The following THSD7B variants were observed in gnomAD, a reference collection of about 807,000 sequenced individuals.
The protein encoded by THSD7B is thrombospondin type-1 domain-containing protein 7B.
Under a neutral mutation model 213.6 loss-of-function variants are expected in THSD7B, and 138 were observed. The observed-to-expected ratio is 0.65, with a 90% CI of 0.56 to 0.74. THSD7B has a LOEUF of 0.74. THSD7B is among the 30% of genes least tolerant of loss of function. THSD7B has a pLI of 0.00. For synonymous variants in THSD7B, 742 were observed against 687.0 expected (o/e 1.08, Z -1.25); for missense variants, 1,931 against 1,991.5 (o/e 0.97, Z 0.58).
intron 15 of THSD7B, among the ~76,000 whole-genome samples, chr2:137,507,558 A>G (rs1273501553): frequency 6.6e-6 from 1 of 152,194 alleles, no homozygotes; most frequent in African/African-American, 2.4e-5. Context: ...TGATTGTAAT[A>G]AGGGCCTGAA....
rs149029025 is a variant in THSD7B at position 137,580,221 on chromosome 2, G to A, written c.3423+7665G>A. 2.2e-3 allele frequency among the ~76,000 whole-genome samples: 335 copies of A among 151,986 alleles called. 1 individual carries two copies. Among genetic ancestry groups the A allele is most frequent in the Non-Finnish European group, 4.1e-3 (278 of 67,944 alleles). Reference sequence around the variant, plus strand: ...TTCTAGATATGTTAAAAAAATATTCGCAAGAGTTTTATTTCTATTTTTGCT... The same window carrying A: ...TTCTAGATATGTTAAAAAAATATTCACAAGAGTTTTATTTCTATTTTTGCT... On this transcript the variant is annotated intron_variant, in intron 17 of 27. Coordinates refer to ENST00000409968, the MANE Select transcript of THSD7B (RefSeq NM_001316349.2).
intron 2 of THSD7B, among the ~76,000 whole-genome samples, chr2:137,043,028 C>T (rs555774262): frequency 7.9e-5 from 12 of 152,182 alleles, no homozygotes; most frequent in African/African-American, 1.2e-4. Flanking sequence ...CACTATTGAG[C>T]GAAGGTTTGC....
At chr2:136,966,146 G>C (rs762118892) in intron 2 of THSD7B, among the ~76,000 whole-genome samples, 5 of 152,062 alleles carry the variant, frequency 3.3e-5, no homozygotes, top group Admixed American at 6.6e-5. Context: ...GGATCTTGCT[G>C]TCTAGACTTC....
chr2:137,635,712 C>T (rs535614162), intron 20 of THSD7B, among the ~76,000 whole-genome samples: 4 of 151,364 alleles, frequency 2.6e-5, no homozygotes, highest in African/African-American at 4.8e-5. Context: ...TAAAATATTC[C>T]GCAAGTTTCT....
chr2:137,399,020 G>A lies in THSD7B; in HGVS notation c.2501-6593G>A, dbSNP rs576979645. On this transcript the variant is annotated intron_variant, in intron 12 of 27. Transcript: ENST00000409968. ...GTGAGGCAATGCCTCGCCCTGCTTC[G>A]GCTCGCGCACGGTGCGCGCACCCAC... Among the ~76,000 whole-genome samples the A allele has an allele frequency of 4.3e-3, 653 of 152,122 alleles. 7 individuals carry two copies. The highest frequency in any genetic ancestry group is 0.015 in the African/African-American group (612 of 41,514).
intron 15 of THSD7B, among the ~76,000 whole-genome samples, chr2:137,553,557 T>C (rs1243797814): frequency 2.0e-5 from 3 of 152,156 alleles, no homozygotes; most frequent in African/African-American, 7.2e-5. Flanking sequence ...AAAAACACAA[T>C]TCCCATGTGA....
chr2:136,885,461 T>C (rs1256081520), intron 2 of THSD7B, among the ~76,000 whole-genome samples: 1 of 152,222 alleles, frequency 6.6e-6, no homozygotes, highest in Non-Finnish European at 1.5e-5. Context: ...CCTATCATTA[T>C]TGTGATGAGA....
chr2:136,924,450 T>A (rs1163462473), intron 2 of THSD7B, among the ~76,000 whole-genome samples: 2 of 152,252 alleles, frequency 1.3e-5, no homozygotes, highest in Non-Finnish European at 2.9e-5. Flanking sequence ...TTGAAGGGAC[T>A]ATCCTTTCTT....
intron 18 of THSD7B, among the ~76,000 whole-genome samples, chr2:137,616,816 C>T (rs1018448313): frequency 2.6e-5 from 4 of 152,124 alleles, no homozygotes; most frequent in East Asian, 1.9e-4. Flanking sequence ...GCTGTTCAGC[C>T]GCTGCTCAGT....
At chr2:136,853,863 A>G (rs373333594) in intron 1 of THSD7B, among the ~76,000 whole-genome samples, 3 of 152,206 alleles carry the variant, frequency 2.0e-5, no homozygotes, top group East Asian at 3.9e-4. Context: ...AACAGGGTAT[A>G]ATTATGTACT....
intron 12 of THSD7B, among the ~76,000 whole-genome samples, chr2:137,403,139 A>G (rs1051177746): frequency 6.6e-6 from 1 of 152,200 alleles, no homozygotes; most frequent in Non-Finnish European, 1.5e-5. Context: ...AAAACAAAAA[A>G]TATTCAGAAT....
In THSD7B at chr2:137,259,910, T is replaced by G. The variant is rs932760224; in HGVS notation, c.2267-12623T>G. 2.0e-5 allele frequency among the ~76,000 whole-genome samples: 3 copies of G among 151,984 alleles called. No homozygotes were observed. The East Asian group carries it at 5.8e-4, about 29-fold the overall frequency. Reference sequence around the variant, plus strand: ...GTTCTCATCTTGGGTTTTCTTTATTTGTGTGTGTGCGTGTGGGTGTGTGCG... The same window carrying G: ...GTTCTCATCTTGGGTTTTCTTTATTGGTGTGTGTGCGTGTGGGTGTGTGCG... On this transcript the variant is annotated intron_variant, in intron 10 of 27. Coordinates refer to ENST00000409968, the MANE Select transcript of THSD7B (RefSeq NM_001316349.2).
At chr2:136,863,079 C>A (rs945410741) in intron 1 of THSD7B, among the ~76,000 whole-genome samples, 1 of 152,214 alleles carries the variant, frequency 6.6e-6, no homozygotes, top group African/African-American at 2.4e-5. Context: ...CCTAAAATCA[C>A]CTCATCTTTC....
At chr2:137,339,513 AAAT>A (rs1234247190) in intron 12 of THSD7B, among the ~76,000 whole-genome samples, 1 of 152,004 alleles carries the variant, frequency 6.6e-6, no homozygotes, top group Non-Finnish European at 1.5e-5. Flanking sequence ...CTAAATTGAA[AAAT>A]AATAATTCAA....
chr2:137,079,538 G>T (rs572171117), intron 3 of THSD7B, among the ~76,000 whole-genome samples: 6 of 152,110 alleles, frequency 3.9e-5, no homozygotes, highest in Non-Finnish European at 8.8e-5. Context: ...TGTACAACAT[G>T]CATTCTTCTT....
Position 137,211,119 on chromosome 2 carries a change from T to C in THSD7B, c.1724-19925T>C, listed in dbSNP as rs116261576. On this transcript the variant is annotated intron_variant, in intron 7 of 27. Transcript: ENST00000409968. Reference sequence around the variant, plus strand: ...AGATACTTCCTTGACATTTAGTGTTTCAAAGGTATCGGCGTGACCTCAAAT... The same window carrying C: ...AGATACTTCCTTGACATTTAGTGTTCCAAAGGTATCGGCGTGACCTCAAAT... Among the ~76,000 whole-genome samples the C allele has an allele frequency of 3.7e-3, 561 of 152,100 alleles. 3 individuals are homozygous for C. The highest frequency in any genetic ancestry group is 0.013 in the African/African-American group (530 of 41,528).
intron 15 of THSD7B, among the ~76,000 whole-genome samples, chr2:137,561,664 G>A (rs772057989): frequency 6.6e-6 from 1 of 152,032 alleles, no homozygotes; most frequent in African/African-American, 2.4e-5. Context: ...ATGTTTGGTT[G>A]GGGTCCTATC....
chr2:137,115,570 A>G (rs13400365), intron 5 of THSD7B, among the ~76,000 whole-genome samples: 2,949 of 152,258 alleles, frequency 0.019, 102 homozygotes, highest in African/African-American at 0.066. Flanking sequence ...GCTACAAGCT[A>G]AGGGTCTGGT....
chr2:137,175,539 G>A (rs775376692), intron 7 of THSD7B, among the ~76,000 whole-genome samples: 6 of 152,032 alleles, frequency 3.9e-5, no homozygotes, highest in African/African-American at 7.3e-5. Context: ...ATATTTGCAC[G>A]GCACTAGGAA....
Sources: gnomAD v4.1 joint callset for allele counts (sites outside exome capture counted in the v4.1 genomes callset) on GRCh38, gnomAD v4.1.1 for gene constraint, MANE v1.5 for transcripts, NCBI Gene and HGNC (gene_info 2026-07-23, HGNC 2026-07-21) for gene names.